Variants in JMY observed in about 807,000 individuals in gnomAD.
The protein encoded by JMY is junction-mediating and -regulatory protein.
Under a neutral mutation model 103.3 loss-of-function variants are expected in JMY, and 46 were observed. The ratio of observed to expected loss-of-function variants is 0.45; its 90% CI spans 0.35 to 0.57. JMY has a LOEUF of 0.57. Among genes scored for constraint, JMY ranks in the 20% least tolerant of loss-of-function variants. The pLI is 0.00. For missense variants in JMY, 1,238 were observed against 1,255.2 expected, an observed-to-expected ratio of 0.99 and a Z score of 0.21; for synonymous variants, 526 against 489.3, an observed-to-expected ratio of 1.07 and a Z score of -0.99.
At chr5:79,317,049 A>G (rs1747251077) in intron 10 of JMY, among the ~76,000 whole-genome samples, 1 of 145,790 alleles carries the variant, frequency 6.9e-6, no homozygotes, top group Non-Finnish European at 1.5e-5. Flanking sequence ...CTGTAAAAAG[A>G]AATCAATACG....
chr5:79,273,798 C>A (rs1234304949), intron 1 of JMY, among the ~76,000 whole-genome samples: 8 of 151,932 alleles, frequency 5.3e-5, no homozygotes, highest in Non-Finnish European at 1.5e-5. Flanking sequence ...TTAATATTGC[C>A]CCATGAGTCC....
chr5:79,262,400 G>A (rs1745451688), intron 1 of JMY, among the ~76,000 whole-genome samples: 1 of 151,822 alleles, frequency 6.6e-6, no homozygotes, highest in Non-Finnish European at 1.5e-5. Flanking sequence ...TTATTCCCTG[G>A]ACTTTGTCAG....
chr5:79,282,305 T>G (rs1746142614), intron 2 of JMY, among the ~76,000 whole-genome samples: 1 of 152,194 alleles, frequency 6.6e-6, no homozygotes, highest in African/African-American at 2.4e-5. Context: ...TAGGGGAAAT[T>G]GACAGGGAGC....
intron 2 of JMY, among the ~76,000 whole-genome samples, chr5:79,282,090 C>T (rs1746133734): frequency 6.6e-6 from 1 of 152,040 alleles, no homozygotes; most frequent in Non-Finnish European, 1.5e-5. Flanking sequence ...ACCTGTAGTC[C>T]CAGCTACTTG....
At chr5:79,288,979 A>C (rs1746346169) in intron 2 of JMY, among the ~76,000 whole-genome samples, 1 of 151,982 alleles carries the variant, frequency 6.6e-6, no homozygotes, top group South Asian at 2.1e-4. Flanking sequence ...TCAAGCCTGT[A>C]ATCCCAGCAC....
intron 2 of JMY, among the ~76,000 whole-genome samples, chr5:79,279,067 A>G (rs978006089): frequency 6.6e-6 from 1 of 152,084 alleles, no homozygotes; most frequent in Non-Finnish European, 1.5e-5. Flanking sequence ...CCAGGCATGG[A>G]TCATGCCTGT....
rs764815138 is a variant in JMY, at chr5:79,237,342, G to T, written c.692G>T (p.Gly231Val). The change falls in exon 1 of 11, where the codon GGA becomes GTA. Residue 231 changes from glycine to valine, a missense_variant. Physicochemically the swap from Gly to Val is moderately radical, Grantham distance 109. Coordinates refer to ENST00000396137, the MANE Select transcript of JMY (RefSeq NM_152405.5). ...CCGGCCGAAGAGTGCAGCTGGGCCG[G>T]ACTGTTTTCTTTCCAGGACCTGCGC... The part of the protein sequence containing the change: ...ESPAEECSWA[G>V]LFSFQDLRAV... 6.2e-7 allele frequency: 1 copy of T among 1,605,952 alleles called. No individual in the cohort carries two copies. Among genetic ancestry groups the T allele is most frequent in the African/African-American group, 1.3e-5 (1 of 74,810 alleles).
intron 10 of JMY, among the ~76,000 whole-genome samples, chr5:79,319,463 A>G (rs1747365795): frequency 6.6e-6 from 1 of 152,154 alleles, no homozygotes. Context: ...GTGTATCACT[A>G]CTTTGTGATC....
intron 1 of JMY, among the ~76,000 whole-genome samples, chr5:79,258,771 C>T (rs1745331947): frequency 1.3e-5 from 2 of 152,150 alleles, no homozygotes; most frequent in South Asian, 4.2e-4. Flanking sequence ...AAGAGGGTGT[C>T]ACCGCTCTGG....
intron 1 of JMY, among the ~76,000 whole-genome samples, chr5:79,255,783 C>A (rs1334794401): frequency 1.3e-5 from 2 of 152,238 alleles, no homozygotes; most frequent in Non-Finnish European, 2.9e-5. Flanking sequence ...TCCTTAACAA[C>A]AGAGTTTCTC....
chr5:79,321,722 GTGGTGTGAAGAAAGGAAGCACAAT>G lies in JMY; in HGVS notation c.*124_*147del, dbSNP rs1747456549. ...ATTAGATCCAAAGTTCATTGGTTCA[GTGGTGTGAAGAAAGGAAGCACAAT>G]TGGCAGGTTATCACTTTCCAGTCGT... On this transcript the variant is annotated 3_prime_UTR_variant, in exon 11 of 11. Coordinates refer to ENST00000396137, the MANE Select transcript of JMY (RefSeq NM_152405.5). The G allele has an allele frequency of 6.6e-6, 1 of 152,200 alleles. No individual in the cohort carries two copies. The highest frequency in any genetic ancestry group is 6.5e-5 in the Admixed American group (1 of 15,284). The allele number at this position is 152,200 out of a possible 1,614,324, so 9.4% of individuals were successfully genotyped here.
chr5:79,291,141 C>G lies in JMY; in HGVS notation c.1369C>G (p.Arg457Gly), dbSNP rs756965069. Residue 457 changes from arginine to glycine, a missense_variant, in exon 4 of 11, where the codon CGA becomes GGA. Coordinates refer to ENST00000396137, the MANE Select transcript of JMY (RefSeq NM_152405.5). ...TAKAQKAVYD[R>G]MRADQKKFGK... ...AAAATTATTAATAGCTGTGTATGAT[C>G]GAATGCGAGCTGATCAGAAGAAATT... is the stretch of plus-strand genomic sequence containing the variant. 1.9e-6 allele frequency: 3 copies of G among 1,594,680 alleles called. No homozygotes were observed. In the African/African-American group the frequency reaches 4.1e-5, roughly 22 times the overall value.
At chr5:79,267,107 CTATTA>C in intron 1 of JMY, among the ~76,000 whole-genome samples, 1 of 152,242 alleles carries the variant, frequency 6.6e-6, no homozygotes, top group East Asian at 1.9e-4. Context: ...TCAGTCTTCC[CTATTA>C]TTAACATTTT....
intron 2 of JMY, among the ~76,000 whole-genome samples, chr5:79,288,394 A>G (rs963134015): frequency 1.3e-5 from 2 of 152,098 alleles, no homozygotes; most frequent in East Asian, 3.9e-4. Flanking sequence ...CCTTCTTCAA[A>G]GCCATCTGCA....
At chr5:79,318,274 C>A (rs1237892859) in intron 10 of JMY, among the ~76,000 whole-genome samples, 1 of 151,906 alleles carries the variant, frequency 6.6e-6, no homozygotes, top group East Asian at 1.9e-4. Context: ...CTCAGCCTCC[C>A]AAAGTGCTGG....
intron 1 of JMY, among the ~76,000 whole-genome samples, chr5:79,242,400 A>G (rs1349235849): frequency 1.3e-5 from 2 of 152,242 alleles, no homozygotes; most frequent in African/African-American, 2.4e-5. Flanking sequence ...AGAGGCTTCC[A>G]GGAAGTGTTA....
chr5:79,279,955 C>T (rs1198670387), intron 2 of JMY, among the ~76,000 whole-genome samples: 1 of 152,084 alleles, frequency 6.6e-6, no homozygotes, highest in Non-Finnish European at 1.5e-5. Context: ...GCAGTCTTCC[C>T]ACCTCAGCCC....
chr5:79,252,215 AC>A (rs2112053916), intron 1 of JMY, among the ~76,000 whole-genome samples: 1 of 152,102 alleles, frequency 6.6e-6, no homozygotes, highest in East Asian at 1.9e-4. Flanking sequence ...TTCTTCATTG[AC>A]CTACTGGTCA....
intron 10 of JMY, among the ~76,000 whole-genome samples, chr5:79,321,297 G>T (rs926796701): frequency 9.9e-5 from 15 of 152,172 alleles, no homozygotes; most frequent in African/African-American, 2.7e-4. Context: ...GCATTTTGAA[G>T]ACACCATTTA....
Sources: gnomAD v4.1 joint callset for allele counts (sites outside exome capture counted in the v4.1 genomes callset) on GRCh38, gnomAD v4.1.1 for gene constraint, MANE v1.5 for transcripts, NCBI Gene and HGNC (gene_info 2026-07-23, HGNC 2026-07-21) for gene names.